The following CMSS1 variants were observed in gnomAD, a reference collection of about 807,000 sequenced individuals.
CMSS1 encodes the protein protein CMSS1.
A neutral mutation model predicts 43.5 loss-of-function variants in CMSS1; 33 were observed. That is an observed-to-expected ratio of 0.76 (90% CI 0.57 to 1.01). CMSS1 has a LOEUF of 1.01. Ranked by LOEUF, CMSS1 falls within the 50% of genes least tolerant of loss-of-function variation. The pLI is 0.00. For synonymous variants in CMSS1, 115 were observed against 117.2 expected (o/e 0.98, Z 0.12); for missense variants, 313 against 326.4 (o/e 0.96, Z 0.32).
rs950054832 is a variant in CMSS1 at position 99,877,967 on chromosome 3, C to T, written c.64+59924C>T. Among the ~76,000 whole-genome samples the T allele has an allele frequency of 2.6e-5, 4 of 152,300 alleles. No homozygotes were observed. The South Asian group carries it at 8.3e-4, about 32-fold the overall frequency. On this transcript the variant is annotated intron_variant, in intron 1 of 9. Coordinates refer to ENST00000421999, the MANE Select transcript of CMSS1 (RefSeq NM_032359.4). ...TTTGTTTCTTTCTCACATATCCATA[C>T]TCAAGTTTTGCATTTATTTTCATTC...
At chr3:100,045,272 A>G (rs1575983507) in intron 1 of CMSS1, among the ~76,000 whole-genome samples, 1 of 152,240 alleles carries the variant, frequency 6.6e-6, no homozygotes, top group Admixed American at 6.5e-5. Flanking sequence ...CACATAGCAC[A>G]GTATCTAGCT....
intron 1 of CMSS1, among the ~76,000 whole-genome samples, chr3:99,956,665 G>C (rs898788067): frequency 2.0e-5 from 3 of 152,196 alleles, no homozygotes; most frequent in African/African-American, 7.2e-5. Flanking sequence ...GTAAGCTTTG[G>C]ATCATAAGCA....
rs925298007 is a variant in CMSS1, at chr3:100,181,542, T to C, written c.*3154T>C. ...CCAGGATTCACTGCAGGATCCCACA[T>C]TGCACTTACTTAGTTGTTGTATCTT... On this transcript the variant is annotated 3_prime_UTR_variant, in exon 10 of 10. Coordinates refer to ENST00000421999, the MANE Select transcript of CMSS1 (RefSeq NM_032359.4). 6.6e-6 allele frequency: 1 copy of C among 152,232 alleles called. No individual in the cohort carries two copies. Among genetic ancestry groups the C allele is most frequent in the African/African-American group, 2.4e-5 (1 of 41,460 alleles). 9.4% of individuals were successfully genotyped at this position (152,232 alleles called of 1,614,324 possible).
In CMSS1 at chr3:99,983,418, ATG is replaced by A. The variant is rs1355148888; in HGVS notation, c.65-163553_65-163552del. The stretch of plus-strand genomic sequence containing the variant: ...TATATATATATATATATATATATAT[ATG>A]TATGTATGTATGTATATATATGTAT... On this transcript the variant is annotated intron_variant, in intron 1 of 9. Transcript: ENST00000421999. Among the ~76,000 whole-genome samples, 370 of 81,776 alleles carry A rather than the reference ATG, an allele frequency of 4.5e-3. 5 individuals carry two copies. Among genetic ancestry groups the A allele is most frequent in the African/African-American group, 0.015 (278 of 19,026 alleles). The allele number at this position is 81,776 out of a possible 152,430, so 53.6% of individuals were successfully genotyped here. A position where few individuals can be genotyped will look rare whatever the true frequency, so the allele number is the denominator to read the frequency against.
chr3:99,879,715 A>C (rs1008630447), intron 1 of CMSS1, among the ~76,000 whole-genome samples: 1 of 152,198 alleles, frequency 6.6e-6, no homozygotes, highest in African/African-American at 2.4e-5. Flanking sequence ...ATGAGATGGT[A>C]ATGCTAACTT....
At chr3:99,849,470 T>C in intron 1 of CMSS1, 1 of 1,613,924 alleles carries the variant, frequency 6.2e-7, no homozygotes, top group Non-Finnish European at 8.5e-7. Flanking sequence ...AGGTGACATA[T>C]TAGGTCTTCA....
At chr3:100,049,437 A>G (rs889055579) in intron 1 of CMSS1, among the ~76,000 whole-genome samples, 1 of 152,192 alleles carries the variant, frequency 6.6e-6, no homozygotes, top group Admixed American at 6.5e-5. Flanking sequence ...ATATGGCACT[A>G]GAGTGTCATA....
intron 4 of CMSS1, among the ~76,000 whole-genome samples, chr3:100,164,340 C>T (rs980889604): frequency 2.0e-5 from 3 of 152,148 alleles, no homozygotes; most frequent in African/African-American, 7.2e-5. Context: ...GCAGTGGGAC[C>T]ACTGCTGTTC....
intron 1 of CMSS1, among the ~76,000 whole-genome samples, chr3:100,025,250 A>G (rs2064897401): frequency 6.6e-6 from 1 of 152,102 alleles, no homozygotes; most frequent in African/African-American, 2.4e-5. Flanking sequence ...GTTTGTGGCT[A>G]TTTTTGTTGG....
chr3:100,116,247 T>A (rs1169553430), intron 1 of CMSS1, among the ~76,000 whole-genome samples: 2 of 152,208 alleles, frequency 1.3e-5, no homozygotes, highest in African/African-American at 4.8e-5. Flanking sequence ...AACATATTGC[T>A]CTTAAATAAA....
intron 1 of CMSS1, among the ~76,000 whole-genome samples, chr3:100,071,093 T>C (rs2065755190): frequency 6.9e-6 from 1 of 144,606 alleles, no homozygotes; most frequent in Non-Finnish European, 1.5e-5. Context: ...ACTCTCTCTT[T>C]TTTTTTTTTT....
intron 1 of CMSS1, among the ~76,000 whole-genome samples, chr3:99,868,936 A>G (rs1323314300): frequency 6.6e-6 from 1 of 152,146 alleles, no homozygotes; most frequent in South Asian, 2.1e-4. Context: ...TTTTGCCGTT[A>G]AGCCAACTGT....
At chr3:100,151,176 G>C (rs1056120943) in intron 2 of CMSS1, among the ~76,000 whole-genome samples, 2 of 152,172 alleles carry the variant, frequency 1.3e-5, no homozygotes, top group Non-Finnish European at 2.9e-5. Context: ...AAACAGAGCT[G>C]TGTCCTATTC....
At chr3:100,102,889 T>C (rs2066333385) in intron 1 of CMSS1, among the ~76,000 whole-genome samples, 1 of 152,196 alleles carries the variant, frequency 6.6e-6, no homozygotes, top group Non-Finnish European at 1.5e-5. Context: ...AGCCCTGTCA[T>C]CAAAAATAAC....
chr3:100,027,759 A>G (rs1038306192), intron 1 of CMSS1, among the ~76,000 whole-genome samples: 1 of 152,202 alleles, frequency 6.6e-6, no homozygotes, highest in Non-Finnish European at 1.5e-5. Context: ...TTTCTGCAAC[A>G]CAGAGTTTAG....
intron 1 of CMSS1, among the ~76,000 whole-genome samples, chr3:99,892,908 C>T (rs1017599150): frequency 4.4e-4 from 67 of 152,244 alleles, no homozygotes; most frequent in African/African-American, 1.6e-3. Flanking sequence ...AAATTCTAAG[C>T]GTACTATTGG....
chr3:99,888,568 G>A (rs1267996369), intron 1 of CMSS1, among the ~76,000 whole-genome samples: 1 of 152,182 alleles, frequency 6.6e-6, no homozygotes, highest in Non-Finnish European at 1.5e-5. Context: ...AGAGGTGCCT[G>A]TTTGATCCAT....
intron 1 of CMSS1, among the ~76,000 whole-genome samples, chr3:99,901,169 A>G (rs1706423585): frequency 1.3e-5 from 2 of 152,246 alleles, no homozygotes; most frequent in Non-Finnish European, 2.9e-5. Context: ...TGGGTCTTAG[A>G]TGGTCATTAC....
chr3:100,075,128 C>T (rs1181787572), intron 1 of CMSS1, among the ~76,000 whole-genome samples: 10 of 152,090 alleles, frequency 6.6e-5, no homozygotes. Flanking sequence ...TGGGGTCAAA[C>T]CCAGATTCTC....
Sources: gnomAD v4.1 joint callset for allele counts (sites outside exome capture counted in the v4.1 genomes callset) on GRCh38, gnomAD v4.1.1 for gene constraint, MANE v1.5 for transcripts, NCBI Gene and HGNC (gene_info 2026-07-23, HGNC 2026-07-21) for gene names.